Variants in SGCZ observed in about 807,000 individuals in gnomAD.
The protein encoded by SGCZ is sarcoglycan zeta.
Under a neutral mutation model 41.3 loss-of-function variants are expected in SGCZ, and 40 were observed. That is an observed-to-expected ratio of 0.97 (90% CI 0.75 to 1.26). The LOEUF (loss-of-function observed/expected upper bound fraction) is 1.26. SGCZ is among the 50% of genes most tolerant of loss of function. The probability of loss-of-function intolerance (pLI) is 0.00; values close to 1 mark genes in which losing one functional copy is unlikely to be tolerated. For synonymous variants in SGCZ, 206 were observed against 137.5 expected, an observed-to-expected ratio of 1.50 and a Z score of -3.49; for missense variants, 552 against 369.8, an observed-to-expected ratio of 1.49 and a Z score of -4.04.
chr8:14,855,703 T>C (rs1466151151), intron 1 of SGCZ, among the ~76,000 whole-genome samples: 2 of 152,208 alleles, frequency 1.3e-5, no homozygotes, highest in Non-Finnish European at 2.9e-5. Flanking sequence ...GCCTGAGTCT[T>C]AGGAATTTTT....
chr8:15,128,016 T>A (rs182939054), intron 1 of SGCZ, among the ~76,000 whole-genome samples: 155 of 152,170 alleles, frequency 1.0e-3, no homozygotes, highest in African/African-American at 3.5e-3. Flanking sequence ...ATAATAGAGG[T>A]TCATGATGTA....
At chr8:14,588,785 A>G (rs1374106847) in intron 1 of SGCZ, among the ~76,000 whole-genome samples, 1 of 152,162 alleles carries the variant, frequency 6.6e-6, no homozygotes, top group Non-Finnish European at 1.5e-5. Context: ...GAATTTTTTT[A>G]ATAACATGAA....
intron 1 of SGCZ, among the ~76,000 whole-genome samples, chr8:14,763,700 T>C (rs1302633993): frequency 6.6e-6 from 1 of 152,182 alleles, no homozygotes; most frequent in Non-Finnish European, 1.5e-5. Flanking sequence ...AACCCAATGA[T>C]GGCTTAATAT....
intron 2 of SGCZ, among the ~76,000 whole-genome samples, chr8:14,368,647 T>C (rs151233849): frequency 9.0e-4 from 136 of 151,800 alleles, no homozygotes; most frequent in African/African-American, 3.3e-3. Context: ...AGCACTCCAG[T>C]AAACCAGTGA....
chr8:15,153,672 T>C (rs563081568), intron 1 of SGCZ, among the ~76,000 whole-genome samples: 1 of 152,100 alleles, frequency 6.6e-6, no homozygotes, highest in South Asian at 2.1e-4. Flanking sequence ...CCCCACCCTC[T>C]CTCTCTTGTC....
At chr8:14,329,061 C>G (rs530629373) in intron 2 of SGCZ, among the ~76,000 whole-genome samples, 1 of 142,862 alleles carries the variant, frequency 7.0e-6, no homozygotes. Context: ...ATATTTTCTG[C>G]GTTTTTTTTT....
intron 2 of SGCZ, among the ~76,000 whole-genome samples, chr8:14,459,740 T>C (rs192418989): frequency 2.4e-4 from 37 of 152,214 alleles, no homozygotes; most frequent in African/African-American, 8.9e-4. Context: ...TATGATACAC[T>C]GAAAAGGGAA....
At chr8:14,282,018 A>G (rs543442223) in intron 3 of SGCZ, among the ~76,000 whole-genome samples, 1 of 152,242 alleles carries the variant, frequency 6.6e-6, no homozygotes, top group African/African-American at 2.4e-5. Flanking sequence ...TTTATATCCA[A>G]CCAGTTATCA....
At chr8:14,465,902 T>A (rs1292050543) in intron 2 of SGCZ, among the ~76,000 whole-genome samples, 1 of 151,916 alleles carries the variant, frequency 6.6e-6, no homozygotes, top group Non-Finnish European at 1.5e-5. Flanking sequence ...AAATGTAAGT[T>A]ACAACACTAA....
intron 1 of SGCZ, among the ~76,000 whole-genome samples, chr8:14,766,999 A>G (rs1427025979): frequency 6.6e-6 from 1 of 152,156 alleles, no homozygotes; most frequent in Non-Finnish European, 1.5e-5. Flanking sequence ...CAGAAACTAA[A>G]TTTGCAAACA....
chr8:15,181,917 A>G (rs943912146), intron 1 of SGCZ, among the ~76,000 whole-genome samples: 1 of 152,138 alleles, frequency 6.6e-6, no homozygotes, highest in African/African-American at 2.4e-5. Context: ...AATGCTTTTA[A>G]TTTTCAACTT....
chr8:14,209,764 C>T (rs1414874832), intron 4 of SGCZ, among the ~76,000 whole-genome samples: 2 of 152,062 alleles, frequency 1.3e-5, no homozygotes, highest in African/African-American at 2.4e-5. Flanking sequence ...AGTAAGTAAA[C>T]GAGAGCTGGG....
intron 1 of SGCZ, chr8:14,879,125 G>C (rs1407535384): frequency 6.6e-6 from 1 of 152,070 alleles, no homozygotes; most frequent in Non-Finnish European, 1.5e-5. Context: ...AGGAATTTAA[G>C]ACCAGCCTGA....
intron 5 of SGCZ, among the ~76,000 whole-genome samples, chr8:14,129,272 G>A (rs1469068534): frequency 6.8e-6 from 1 of 146,114 alleles, no homozygotes; most frequent in African/African-American, 2.5e-5. Flanking sequence ...CTTGAACCCA[G>A]GAGGCAGAGG....
At chr8:14,179,341 C>A (rs544276070) in intron 4 of SGCZ, among the ~76,000 whole-genome samples, 1 of 152,294 alleles carries the variant, frequency 6.6e-6, no homozygotes, top group Admixed American at 6.5e-5. Context: ...GGAAAGCATC[C>A]ACACTGTGAA....
At chr8:14,308,552 C>T (rs551732541) in intron 3 of SGCZ, among the ~76,000 whole-genome samples, 3 of 151,984 alleles carry the variant, frequency 2.0e-5, no homozygotes, top group East Asian at 1.9e-4. Flanking sequence ...CCCCTTGCCC[C>T]TGGCCTTTAT....
In SGCZ at chr8:14,140,242, T is replaced by C. The variant is rs1172550368; in HGVS notation, c.547+24338A>G. On this transcript the variant is annotated intron_variant, in intron 5 of 7. Coordinates refer to ENST00000382080, the MANE Select transcript of SGCZ (RefSeq NM_139167.4). ...ACTGAATGGGCAAAAACTGGAAGCATTCCCTTTGAAAACTGGCACAAGACA... is the reference window on the plus strand; with the variant it reads ...ACTGAATGGGCAAAAACTGGAAGCACTCCCTTTGAAAACTGGCACAAGACA... 3.3e-5 allele frequency among the ~76,000 whole-genome samples: 5 copies of C among 152,162 alleles called. No homozygotes were observed. The East Asian group carries it at 9.6e-4, about 29-fold the overall frequency.
chr8:14,745,907 A>AT (rs570991067), intron 1 of SGCZ, among the ~76,000 whole-genome samples: 214 of 151,636 alleles, frequency 1.4e-3, no homozygotes, highest in Admixed American at 4.0e-3. Flanking sequence ...ACCCAAACAG[A>AT]TTTTTTTTTA....
chr8:14,734,777 C>A (rs148722849), intron 1 of SGCZ, among the ~76,000 whole-genome samples: 2 of 151,998 alleles, frequency 1.3e-5, no homozygotes, highest in African/African-American at 2.4e-5. Context: ...AGTAATTCCA[C>A]CCAAAAGATA....
Sources: gnomAD v4.1 joint callset for allele counts (sites outside exome capture counted in the v4.1 genomes callset) on GRCh38, gnomAD v4.1.1 for gene constraint, MANE v1.5 for transcripts, NCBI Gene and HGNC (gene_info 2026-07-23, HGNC 2026-07-21) for gene names.